The following VTCN1 variants were observed in gnomAD, a reference collection of about 807,000 sequenced individuals.
The protein encoded by VTCN1 is V-set domain containing T cell activation inhibitor 1, also known as V-set domain-containing T-cell activation inhibitor 1.
A neutral mutation model predicts 26.5 loss-of-function variants in VTCN1; 26 were observed. The observed-to-expected ratio is 0.98, with a 90% CI of 0.72 to 1.36. The LOEUF is 1.36. VTCN1 is among the 40% of genes most tolerant of loss of function. The pLI, the probability that VTCN1 is intolerant of heterozygous loss-of-function variation, is 0.00. For missense variants in VTCN1, 298 were observed against 337.7 expected (o/e 0.88, Z 0.92); for synonymous variants, 116 against 130.7 (o/e 0.89, Z 0.77).
At position 117,167,668 on chromosome 1, in the gene VTCN1, A is replaced by G. The variant is rs915910350; in HGVS notation, c.97+2439T>C. ...GGAAAATTGAATGGCAGTATCTACTAAAAGCTATTTATTGGCCTTTTGGAC... is the reference window on the plus strand; with the variant it reads ...GGAAAATTGAATGGCAGTATCTACTGAAAGCTATTTATTGGCCTTTTGGAC... On this transcript the variant is annotated intron_variant, in intron 2 of 5. Coordinates refer to ENST00000369458, the MANE Select transcript of VTCN1 (RefSeq NM_024626.4). The surrounding 1 kb of genome is among the most constrained non-coding windows in gnomAD (Gnocchi z 4.1). Among the ~76,000 whole-genome samples the G allele has an allele frequency of 1.3e-5, 2 of 152,206 alleles. No homozygotes were observed. The highest frequency in any genetic ancestry group is 2.9e-5 in the Non-Finnish European group (2 of 68,038).
Sources: allele counts gnomAD v4.1 joint callset (sites outside exome capture counted in the v4.1 genomes callset), GRCh38; gene constraint gnomAD v4.1.1; non-coding constraint Gnocchi (gnomAD v3.1); transcripts MANE v1.5; gene names NCBI Gene and HGNC (gene_info 2026-07-23, HGNC 2026-07-21).